TANC2: variants seen among roughly 807,000 people sequenced by gnomAD.
TANC2 encodes the protein protein TANC2.
A neutral mutation model predicts 210.5 loss-of-function variants in TANC2; 26 were observed. The observed-to-expected ratio is 0.12, with a 90% CI of 0.09 to 0.17. The LOEUF (loss-of-function observed/expected upper bound fraction) is 0.17, where lower values mean the gene tolerates loss of function less well. Among genes scored for constraint, TANC2 ranks in the 10% least tolerant of loss-of-function variants. The pLI is 1.00. For missense variants in TANC2, 2,129 were observed against 2,608.9 expected (o/e 0.82, Z 4.01); for synonymous variants, 931 against 967.1 (o/e 0.96, Z 0.69).
rs749125383 is a variant in TANC2, at chr17:63,092,193, TTGTG to T, written c.140-6977_140-6974del. 2.0e-4 allele frequency among the ~76,000 whole-genome samples: 30 copies of T among 152,234 alleles called. No individual in the cohort carries two copies. The South Asian group carries it at 2.1e-3, about 11-fold the overall frequency. ...TTGTGGAGAGTAATAATTTTTCTAT[TTGTG>T]TGTGGGAGGAGGGACATATATCTTC... On this transcript the variant is annotated intron_variant, in intron 3 of 27. Transcript: ENST00000689528.
At chr17:63,284,247 CATTG>C (rs2044152123) in intron 9 of TANC2, among the ~76,000 whole-genome samples, 1 of 151,932 alleles carries the variant, frequency 6.6e-6, no homozygotes, top group Admixed American at 6.6e-5. Flanking sequence ...TTGCAAATCA[CATTG>C]ATTGATATTT....
rs552239131 is a variant in TANC2, at chr17:63,136,580, A to T, written c.323-14690A>T. ...CAGTACTAAGGATATAGCAGTATAT[A>T]AAACAGACAAAGGCTCTACCTTTTG... On this transcript the variant is annotated intron_variant, in intron 4 of 27. Transcript: ENST00000689528. Among the ~76,000 whole-genome samples, 8 of 152,318 alleles carry T rather than the reference A, an allele frequency of 5.3e-5. No homozygotes were observed. In the East Asian group the frequency reaches 9.6e-4, roughly 18 times the overall value.
chr17:63,221,003 A>T (rs1255400281), intron 7 of TANC2, among the ~76,000 whole-genome samples: 1 of 151,884 alleles, frequency 6.6e-6, no homozygotes, highest in Admixed American at 6.6e-5. Context: ...TGCAAGAAGA[A>T]ATAATAGATT....
chr17:63,395,141 A>G (rs1209534219), intron 17 of TANC2, among the ~76,000 whole-genome samples: 1 of 152,202 alleles, frequency 6.6e-6, no homozygotes, highest in Admixed American at 6.5e-5. Flanking sequence ...TAAACTTGTA[A>G]CCAACACTGA....
At chr17:63,269,716 T>A (rs902056322) in intron 9 of TANC2, among the ~76,000 whole-genome samples, 1 of 152,116 alleles carries the variant, frequency 6.6e-6, no homozygotes, top group Non-Finnish European at 1.5e-5. Flanking sequence ...TTTAATAAGG[T>A]CTTTAACAGA....
intron 5 of TANC2, among the ~76,000 whole-genome samples, chr17:63,185,660 T>C (rs1332022622): frequency 6.6e-6 from 1 of 152,226 alleles, no homozygotes; most frequent in East Asian, 1.9e-4. Flanking sequence ...TGCCCCCTAC[T>C]GTCAGATGCT....
intron 11 of TANC2, among the ~76,000 whole-genome samples, chr17:63,336,118 GCCA>G (rs924060202): frequency 6.6e-6 from 1 of 152,142 alleles, no homozygotes; most frequent in African/African-American, 2.4e-5. Context: ...TTTATGGTGA[GCCA>G]CCAAGTCCCA....
intron 9 of TANC2, among the ~76,000 whole-genome samples, chr17:63,289,440 T>C (rs2044319598): frequency 6.6e-6 from 1 of 152,186 alleles, no homozygotes; most frequent in Non-Finnish European, 1.5e-5. Context: ...GATTCTTTAC[T>C]CTGATTTTTA....
intron 8 of TANC2, among the ~76,000 whole-genome samples, chr17:63,258,962 C>T (rs2043279166): frequency 6.6e-6 from 1 of 152,190 alleles, no homozygotes; most frequent in Admixed American, 6.5e-5. Context: ...CCCTGGGTCT[C>T]ATCCAAGGCC....
chr17:62,998,776 C>T (rs1464255154), intron 1 of TANC2, among the ~76,000 whole-genome samples: 1 of 152,162 alleles, frequency 6.6e-6, no homozygotes, highest in Non-Finnish European at 1.5e-5. Context: ...AAAAGAAAGA[C>T]CATTACTGGC....
chr17:63,330,570 A>T (rs1265949763), intron 11 of TANC2, among the ~76,000 whole-genome samples: 1 of 152,244 alleles, frequency 6.6e-6, no homozygotes, highest in Non-Finnish European at 1.5e-5. Context: ...GCAGCACCTG[A>T]CTTAAAATAT....
At chr17:63,417,670 C>G (rs1044054405) in intron 26 of TANC2, among the ~76,000 whole-genome samples, 16 of 152,150 alleles carry the variant, frequency 1.1e-4, no homozygotes, top group African/African-American at 3.6e-4. Flanking sequence ...CTGTGCAGGG[C>G]TTTTAAATAC....
chr17:63,033,024 T>G (rs2034834158), intron 2 of TANC2, among the ~76,000 whole-genome samples: 1 of 152,160 alleles, frequency 6.6e-6, no homozygotes, highest in African/African-American at 2.4e-5. Flanking sequence ...TTTGCCAGTT[T>G]ATTATAAAGG....
At chr17:62,978,136 C>T (rs1157971747) in intron 1 of TANC2, among the ~76,000 whole-genome samples, 4 of 151,998 alleles carry the variant, frequency 2.6e-5, no homozygotes, top group Admixed American at 2.6e-4. Flanking sequence ...CTATTATAAA[C>T]ATTAGTTCAC....
intron 12 of TANC2, among the ~76,000 whole-genome samples, chr17:63,349,805 C>G (rs189655986): frequency 2.6e-5 from 4 of 152,272 alleles, no homozygotes; most frequent in South Asian, 2.1e-4. Context: ...ACACCCACCC[C>G]CCTCGTTGTT....
intron 1 of TANC2, among the ~76,000 whole-genome samples, chr17:62,994,348 A>ATTT (rs373819801): frequency 7.7e-4 from 105 of 137,184 alleles, no homozygotes; most frequent in African/African-American, 2.6e-3. Flanking sequence ...CACCTGGCTC[A>ATTT]TTTTTTTTTT....
rs999044846 is a variant in TANC2, at chr17:63,019,881, A to G, written c.67+10255A>G. ...ATATATTCTAGCCTTTGTCAGATACATGGTTTGAAAATATATTCTCCCAGT... is the reference window on the plus strand; with the variant it reads ...ATATATTCTAGCCTTTGTCAGATACGTGGTTTGAAAATATATTCTCCCAGT... On this transcript the variant is annotated intron_variant, in intron 2 of 27. Transcript: ENST00000689528. 6.6e-5 allele frequency among the ~76,000 whole-genome samples: 10 copies of G among 152,230 alleles called. No individual in the cohort carries two copies. The East Asian group carries it at 1.9e-3, about 29-fold the overall frequency.
chr17:63,408,839 G>A (rs962864351), intron 21 of TANC2, among the ~76,000 whole-genome samples: 16 of 152,222 alleles, frequency 1.1e-4, no homozygotes, highest in Non-Finnish European at 1.9e-4. Flanking sequence ...GGTGCAGTAA[G>A]TTGATCTCTG....
chr17:63,348,316 T>G (rs914725049), intron 12 of TANC2, among the ~76,000 whole-genome samples: 3 of 152,190 alleles, frequency 2.0e-5, no homozygotes, highest in African/African-American at 7.2e-5. Context: ...ATGGAACTAC[T>G]AAGGAAGAAA....
Sources: gnomAD v4.1 joint callset for allele counts (sites outside exome capture counted in the v4.1 genomes callset) on GRCh38, gnomAD v4.1.1 for gene constraint, MANE v1.5 for transcripts, NCBI Gene and HGNC (gene_info 2026-07-23, HGNC 2026-07-21) for gene names.